The following TMCC1 variants were observed in gnomAD, a reference collection of about 807,000 sequenced individuals.
The protein encoded by TMCC1 is transmembrane and coiled-coil domains protein 1.
In TMCC1, 15 loss-of-function variants were observed where a neutral mutation model predicts 52.4. That is an observed-to-expected ratio of 0.29 (90% confidence interval 0.19 to 0.44). The LOEUF (loss-of-function observed/expected upper bound fraction) is 0.44. TMCC1 is among the 20% of genes least tolerant of loss of function. TMCC1 has a pLI of 1.00. For synonymous variants in TMCC1, 279 were observed against 301.9 expected (o/e 0.92, Z 0.79); for missense variants, 503 against 806.0 (o/e 0.62, Z 4.55).
chr3:129,692,988 G>A (rs895947622), intron 4 of TMCC1, among the ~76,000 whole-genome samples: 1 of 151,892 alleles, frequency 6.6e-6, no homozygotes, highest in Non-Finnish European at 1.5e-5. Flanking sequence ...GACTGCAGGT[G>A]CACACCACCA....
At chr3:129,767,360 C>G (rs1317549643) in intron 4 of TMCC1, among the ~76,000 whole-genome samples, 1 of 151,208 alleles carries the variant, frequency 6.6e-6, no homozygotes, top group Non-Finnish European at 1.5e-5. Context: ...AGTGTGCAAC[C>G]ATTACCACAG....
rs778383528 is a variant in TMCC1, at chr3:129,828,367, C to T, written c.12G>A (p.Ser4=). The T allele has an allele frequency of 6.9e-5, 111 of 1,613,388 alleles. No homozygotes were observed. Among genetic ancestry groups the T allele is most frequent in the Non-Finnish European group, 8.6e-5 (102 of 1,179,794 alleles). Residue 4 remains serine (S), a synonymous_variant, in exon 4 of 7, where the codon TCG becomes TCA. Transcript: ENST00000393238. The surrounding 1 kb of genome is among the most constrained non-coding windows in gnomAD (Gnocchi z 4.1). ...GGTCCTCAAATAACTGTTCACTGCC[C>T]GAAGGCTCCATCAGTAGACTTAATA... MEP[S]GSEQLFEDPD...
At chr3:129,776,201 C>T (rs1446887554) in intron 4 of TMCC1, among the ~76,000 whole-genome samples, 1 of 152,164 alleles carries the variant, frequency 6.6e-6, no homozygotes, top group African/African-American at 2.4e-5. Flanking sequence ...CTAGGACTTA[C>T]CAGAATTTGT....
At chr3:129,813,077 T>C (rs1454475767) in intron 4 of TMCC1, among the ~76,000 whole-genome samples, 1 of 152,126 alleles carries the variant, frequency 6.6e-6, no homozygotes, top group Non-Finnish European at 1.5e-5. Flanking sequence ...ACATCACTAA[T>C]CATTAGAGAA....
intron 2 of TMCC1, among the ~76,000 whole-genome samples, chr3:129,870,267 A>G (rs1234998765): frequency 1.3e-5 from 2 of 152,164 alleles, no homozygotes; most frequent in Non-Finnish European, 2.9e-5. Context: ...CCAGTTAATA[A>G]GAAACTAAAG....
At chr3:129,818,620 A>C (rs2058248888) in intron 4 of TMCC1, among the ~76,000 whole-genome samples, 3 of 134,554 alleles carry the variant, frequency 2.2e-5, no homozygotes, top group African/African-American at 8.6e-5. Flanking sequence ...TTTAAAGAAA[A>C]GTTTTAAAGA....
At chr3:129,858,496 G>C (rs1241882217) in intron 2 of TMCC1, among the ~76,000 whole-genome samples, 1 of 151,998 alleles carries the variant, frequency 6.6e-6, no homozygotes, top group East Asian at 1.9e-4. Flanking sequence ...TCAGCCTCCT[G>C]AGTAGCTAGA....
At chr3:129,692,904 A>G (rs944052221) in intron 4 of TMCC1, among the ~76,000 whole-genome samples, 1 of 152,038 alleles carries the variant, frequency 6.6e-6, no homozygotes, top group African/African-American at 2.4e-5. Context: ...GTGCAGAGGT[A>G]CCATCTCGGC....
chr3:129,839,748 G>C (rs571182425), intron 2 of TMCC1, among the ~76,000 whole-genome samples: 70 of 152,124 alleles, frequency 4.6e-4, no homozygotes, highest in African/African-American at 1.6e-3. Context: ...CACCAGGCAT[G>C]GTGGTGTGCA....
At chr3:129,702,876 C>T (rs899573403) in intron 4 of TMCC1, among the ~76,000 whole-genome samples, 6 of 151,970 alleles carry the variant, frequency 3.9e-5, no homozygotes, top group African/African-American at 1.2e-4. Flanking sequence ...ATTAGCTGGG[C>T]GTGATAGCGT....
At chr3:129,854,426 C>T (rs1450809192) in intron 2 of TMCC1, among the ~76,000 whole-genome samples, 8 of 151,250 alleles carry the variant, frequency 5.3e-5, no homozygotes, top group Non-Finnish European at 1.2e-4. Context: ...CTGACTATGT[C>T]CTTTCTTGCT....
chr3:129,867,506 T>C (rs556651297), intron 2 of TMCC1, among the ~76,000 whole-genome samples: 3 of 152,330 alleles, frequency 2.0e-5, no homozygotes, highest in Non-Finnish European at 4.4e-5. Flanking sequence ...CAAATCTAAA[T>C]TCCTTAACAA....
At chr3:129,830,285 G>C (rs2058848050) in intron 3 of TMCC1, among the ~76,000 whole-genome samples, 1 of 152,060 alleles carries the variant, frequency 6.6e-6, no homozygotes, top group Non-Finnish European at 1.5e-5. Flanking sequence ...GTGGTTTTCT[G>C]GTGCTCCTTG....
At chr3:129,862,658 G>A (rs1201523710) in intron 2 of TMCC1, among the ~76,000 whole-genome samples, 9 of 152,080 alleles carry the variant, frequency 5.9e-5, no homozygotes, top group Non-Finnish European at 1.2e-4. Flanking sequence ...CATCCACAGG[G>A]TCACACACAG....
intron 4 of TMCC1, among the ~76,000 whole-genome samples, chr3:129,774,365 AC>A (rs1451331526): frequency 6.6e-6 from 1 of 152,208 alleles, no homozygotes; most frequent in African/African-American, 2.4e-5. Context: ...AAATTATCAT[AC>A]CTAAAAAAAT....
chr3:129,786,075 C>T lies in TMCC1; in HGVS notation c.576+41728G>A, dbSNP rs1207358911. 2.0e-5 allele frequency among the ~76,000 whole-genome samples: 3 copies of T among 151,880 alleles called. No homozygotes were observed. The East Asian group carries it at 5.8e-4, about 30-fold the overall frequency. ...ACAACCACCTGAACAGCTGGGATTA[C>T]ATTACAGGTGTGTGCCACCATGCCT... On this transcript the variant is annotated intron_variant, in intron 4 of 6. Coordinates refer to ENST00000393238, the MANE Select transcript of TMCC1 (RefSeq NM_001017395.5).
At chr3:129,777,523 C>T (rs1244478747) in intron 4 of TMCC1, among the ~76,000 whole-genome samples, 4 of 152,132 alleles carry the variant, frequency 2.6e-5, no homozygotes, top group Admixed American at 6.6e-5. Flanking sequence ...AGTACATCAC[C>T]AGACTCACTT....
At chr3:129,652,602 G>A (rs1233163686) in intron 6 of TMCC1, among the ~76,000 whole-genome samples, 2 of 152,176 alleles carry the variant, frequency 1.3e-5, no homozygotes, top group Non-Finnish European at 2.9e-5. Context: ...AATCTCATCA[G>A]TTTTTAAAAA....
At chr3:129,705,749 C>G (rs189445633) in intron 4 of TMCC1, among the ~76,000 whole-genome samples, 2 of 151,672 alleles carry the variant, frequency 1.3e-5, no homozygotes, top group East Asian at 3.9e-4. Context: ...CCCGCCACCA[C>G]GCCCACCTAA....
Sources: gnomAD v4.1 joint callset for allele counts (sites outside exome capture counted in the v4.1 genomes callset) on GRCh38, gnomAD v4.1.1 for gene constraint, Gnocchi (gnomAD v3.1) non-coding constraint, MANE v1.5 for transcripts, NCBI Gene and HGNC (gene_info 2026-07-23, HGNC 2026-07-21) for gene names.